SCAND3: variants seen among roughly 807,000 people sequenced by gnomAD.
SCAND3 encodes SCAN domain containing 3, also known as SCAN domain-containing protein 3.
chr6:28,612,292 C>G, the SCAND3 span, among the ~76,000 whole-genome samples: 1 of 152,090 alleles, frequency 6.6e-6, no homozygotes, highest in Non-Finnish European at 1.5e-5. Flanking sequence ...CCTGCCTCAG[C>G]CTCCCAAAGT....
the SCAND3 span, among the ~76,000 whole-genome samples, chr6:28,577,333 C>T: frequency 6.6e-6 from 1 of 152,136 alleles, no homozygotes; most frequent in South Asian, 2.1e-4. Flanking sequence ...TGGAAAAATA[C>T]TTTCACTCAA....
chr6:28,580,168 A>C, the SCAND3 span, among the ~76,000 whole-genome samples: 1 of 151,018 alleles, frequency 6.6e-6, no homozygotes, highest in African/African-American at 2.4e-5. Context: ...CTTGCCGGGC[A>C]TGGTGGCTCA....
the SCAND3 span, among the ~76,000 whole-genome samples, chr6:28,576,877 T>C: frequency 6.6e-6 from 1 of 150,998 alleles, no homozygotes. Context: ...CCTAAAATGC[T>C]GGGATTACAG....
chr6:28,576,069 A>G, the SCAND3 span: 2 of 1,613,526 alleles, frequency 1.2e-6, no homozygotes, highest in African/African-American at 2.7e-5. Context: ...CTGCTTCATT[A>G]GTATCTAAGC....
the SCAND3 span, among the ~76,000 whole-genome samples, chr6:28,581,559 G>C: frequency 6.6e-6 from 1 of 152,142 alleles, no homozygotes; most frequent in African/African-American, 2.4e-5. Context: ...AGGGACCCTA[G>C]CTGTCTTCAT....
chr6:28,610,304 C>T, the SCAND3 span, among the ~76,000 whole-genome samples: 1 of 151,968 alleles, frequency 6.6e-6, no homozygotes, highest in African/African-American at 2.4e-5. Context: ...GGTGGATCAC[C>T]TGAGGTCAGG....
At chr6:28,608,378 T>C in the SCAND3 span, among the ~76,000 whole-genome samples, 10 of 152,124 alleles carry the variant, frequency 6.6e-5, no homozygotes, top group African/African-American at 1.4e-4. Flanking sequence ...TACTCTTGTC[T>C]CTTCTCAATC....
At chr6:28,576,638 A>G in the SCAND3 span, among the ~76,000 whole-genome samples, 1 of 152,164 alleles carries the variant, frequency 6.6e-6, no homozygotes. Context: ...AGCCAATAAC[A>G]AAAAGTTTCA....
At chr6:28,596,895 A>G in the SCAND3 span, among the ~76,000 whole-genome samples, 48 of 152,348 alleles carry the variant, frequency 3.2e-4, no homozygotes, top group South Asian at 6.6e-3. Flanking sequence ...AATTAGGCTG[A>G]AAATACCTGC....
chr6:28,574,699 G>A, the SCAND3 span: 6 of 1,614,068 alleles, frequency 3.7e-6, no homozygotes, highest in Non-Finnish European at 5.1e-6. Context: ...TAGCATTTTG[G>A]AAGGTTTAAC....
the SCAND3 span, chr6:28,590,130 G>T: frequency 6.6e-6 from 1 of 152,338 alleles, no homozygotes; most frequent in Non-Finnish European, 1.5e-5. Context: ...GCCGCGCTGG[G>T]AGCTGGCATT....
the SCAND3 span, among the ~76,000 whole-genome samples, chr6:28,595,592 C>T: frequency 3.3e-5 from 5 of 151,732 alleles, no homozygotes; most frequent in Non-Finnish European, 7.4e-5. Context: ...CTTGGTGGCA[C>T]GTGCCTGTAG....
At chr6:28,570,721 C>A in the SCAND3 span, 1 of 152,144 alleles carries the variant, frequency 6.6e-6, no homozygotes, top group South Asian at 2.1e-4. Flanking sequence ...TAAATTGCTA[C>A]CCTGTCTAGG....
At chr6:28,578,159 A>G in the SCAND3 span, among the ~76,000 whole-genome samples, 1 of 152,314 alleles carries the variant, frequency 6.6e-6, no homozygotes, top group East Asian at 1.9e-4. Context: ...AATTTAAATC[A>G]TCTAAAATGT....
the SCAND3 span, among the ~76,000 whole-genome samples, chr6:28,600,722 C>A: frequency 1.3e-5 from 2 of 152,092 alleles, no homozygotes; most frequent in Non-Finnish European, 2.9e-5. Flanking sequence ...TCGAACAACT[C>A]ACCCATAAAA....
chr6:28,572,963 T>C, the SCAND3 span: 1 of 1,613,992 alleles, frequency 6.2e-7, no homozygotes. The surrounding 1 kb of genome is among the most constrained non-coding windows in gnomAD (Gnocchi z 4.1). Flanking sequence ...TTTCCTGTCA[T>C]TGAAGCTGCA....
At chr6:28,592,940 A>C in the SCAND3 span, among the ~76,000 whole-genome samples, 1 of 152,162 alleles carries the variant, frequency 6.6e-6, no homozygotes, top group Non-Finnish European at 1.5e-5. The surrounding 1 kb of genome is among the most constrained non-coding windows in gnomAD (Gnocchi z 4.1). Context: ...ACAAGACTGG[A>C]AGCTATAAAC....
chr6:28,601,159 C>T, the SCAND3 span, among the ~76,000 whole-genome samples: 7 of 152,306 alleles, frequency 4.6e-5, no homozygotes, highest in Non-Finnish European at 7.3e-5. Flanking sequence ...CCCACCTCAG[C>T]CTCCCAATGT....
chr6:28,589,339 T>C, the SCAND3 span: 2 of 152,172 alleles, frequency 1.3e-5, no homozygotes, highest in South Asian at 4.1e-4. Flanking sequence ...CAAGGAGGTA[T>C]TTAACCACGA....
Sources: gnomAD v4.1 joint callset for allele counts (sites outside exome capture counted in the v4.1 genomes callset) on GRCh38, gnomAD v4.1.1 for gene constraint, Gnocchi (gnomAD v3.1) non-coding constraint, MANE v1.5 for transcripts, NCBI Gene and HGNC (gene_info 2026-07-23, HGNC 2026-07-21) for gene names.